The following SLC26A9 variants were observed in gnomAD, a reference collection of about 807,000 sequenced individuals.
SLC26A9 encodes the protein solute carrier family 26 member 9.
Under a neutral mutation model 87.1 loss-of-function variants are expected in SLC26A9, and 46 were observed. That is an observed-to-expected ratio of 0.53 (90% CI 0.42 to 0.67). The LOEUF (loss-of-function observed/expected upper bound fraction) is 0.67, where lower values mean the gene tolerates loss of function less well. Ranked by LOEUF, SLC26A9 falls within the 30% of genes least tolerant of loss-of-function variation. The probability of loss-of-function intolerance (pLI) is 0.00; values close to 1 mark genes in which losing one functional copy is unlikely to be tolerated. For synonymous variants in SLC26A9, 437 were observed against 409.1 expected (o/e 1.07, Z -0.82); for missense variants, 927 against 1,018.3 (o/e 0.91, Z 1.22).
Position 205,937,697 on chromosome 1 carries a change from G to A in SLC26A9, c.-18-1859C>T, listed in dbSNP as rs901937714. The stretch of plus-strand genomic sequence containing the variant: ...GCCGGCCCTTCACCGCCCGTGAGGC[G>A]GGGTGGTCTCACTCTTCCTCTCCAC... On this transcript the variant is annotated intron_variant, in intron 1 of 20. Transcript: ENST00000367135. 2.0e-5 allele frequency among the ~76,000 whole-genome samples: 3 copies of A among 152,112 alleles called. No individual in the cohort carries two copies. In the East Asian group the frequency reaches 5.8e-4, roughly 29 times the overall value.
chr1:205,919,300 G>A (rs1312698089), intron 18 of SLC26A9, among the ~76,000 whole-genome samples: 1 of 152,152 alleles, frequency 6.6e-6, no homozygotes, highest in East Asian at 1.9e-4. Flanking sequence ...ATCCCCCAAG[G>A]ACCCATCCTT....
At position 205,927,481 on chromosome 1, in the gene SLC26A9, A is replaced by G. The variant is rs749046343; in HGVS notation, c.1215+11T>C. ...ACCACCTCCCCCCAACTCCCCTAGA[A>G]CAAGGCTCACCTGGGATTTTCCTCC... On this transcript the variant is annotated intron_variant, in intron 10 of 20. Coordinates refer to ENST00000367135, the MANE Select transcript of SLC26A9 (RefSeq NM_052934.4). 6 of 1,612,994 alleles carry G rather than the reference A, an allele frequency of 3.7e-6. No homozygotes were observed. Among genetic ancestry groups the G allele is most frequent in the Admixed American group, 3.3e-5 (2 of 59,886 alleles).
intron 5 of SLC26A9, among the ~76,000 whole-genome samples, chr1:205,931,384 G>A (rs1405892791): frequency 6.6e-6 from 1 of 151,836 alleles, no homozygotes; most frequent in African/African-American, 2.4e-5. Context: ...CGTGCTACAT[G>A]CAGATGAGGA....
rs1488853978 is a variant in SLC26A9 at position 205,914,003 on chromosome 1, C to G, written c.*1354G>C. ...AGGCCAGAAGATTTTCTGTGCATTT[C>G]CACTGAAATTTTACAAAACACTTAC... On this transcript the variant is annotated 3_prime_UTR_variant, in exon 21 of 21. Coordinates refer to ENST00000367135, the MANE Select transcript of SLC26A9 (RefSeq NM_052934.4). The G allele has an allele frequency of 2.6e-5, 4 of 152,186 alleles. No homozygotes were observed. The highest frequency in any genetic ancestry group is 5.9e-5 in the Non-Finnish European group (4 of 68,028). The allele number at this position is 152,186 out of a possible 1,614,324, so 9.4% of individuals were successfully genotyped here.
At position 205,913,696 on chromosome 1, in the gene SLC26A9, T is replaced by C. The variant is rs745308811; in HGVS notation, c.*1661A>G. ...TGGGCACGGTGAATCCCAGATAACATTGTCCTTCGCCTTCCAAGTTTTGAG... is the reference window on the plus strand; with the variant it reads ...TGGGCACGGTGAATCCCAGATAACACTGTCCTTCGCCTTCCAAGTTTTGAG... On this transcript the variant is annotated 3_prime_UTR_variant, in exon 21 of 21. Coordinates refer to ENST00000367135, the MANE Select transcript of SLC26A9 (RefSeq NM_052934.4). 1.3e-5 allele frequency: 2 copies of C among 152,626 alleles called. No homozygotes were observed. The highest frequency in any genetic ancestry group is 4.1e-4 in the South Asian group (2 of 4,822). 9.5% of individuals were successfully genotyped at this position (152,626 alleles called of 1,614,324 possible). A position where few individuals can be genotyped will look rare whatever the true frequency, so the allele number is the denominator to read the frequency against.
intron 12 of SLC26A9, among the ~76,000 whole-genome samples, chr1:205,925,430 T>C (rs1345386622): frequency 6.6e-6 from 1 of 152,170 alleles, no homozygotes; most frequent in East Asian, 1.9e-4. Flanking sequence ...AGAGAATTGC[T>C]GTGAAGATCA....
At chr1:205,937,002 A>T (rs1196946541) in intron 1 of SLC26A9, among the ~76,000 whole-genome samples, 1 of 152,214 alleles carries the variant, frequency 6.6e-6, no homozygotes, top group East Asian at 1.9e-4. Flanking sequence ...TGTATCACTA[A>T]AGTGGGAGTA....
chr1:205,935,953 C>A, intron 1 of SLC26A9, 115 bp from the exon 2 acceptor site: 1 of 1,270,268 alleles, frequency 7.9e-7, no homozygotes. Flanking sequence ...TTCCCCGCCC[C>A]GATAAAGCAA....
At chr1:205,927,461 CT>C (rs1359878838) in intron 10 of SLC26A9, 30 bp downstream of exon 10, 1 of 1,603,102 alleles carries the variant, frequency 6.2e-7, no homozygotes, top group Non-Finnish European at 8.5e-7. Flanking sequence ...CTCTTACCAC[CT>C]CCCCCCAACT....
chr1:205,921,247 T>G (rs574153063), intron 17 of SLC26A9, among the ~76,000 whole-genome samples: 1 of 152,256 alleles, frequency 6.6e-6, no homozygotes, highest in East Asian at 1.9e-4. Context: ...AACCGGACCC[T>G]CCTCAGAGAA....
rs1279830072 is a variant in SLC26A9, at chr1:205,918,951, G to C, written c.2145C>G (p.Val715=). The change falls in exon 19 of 21, where the codon GTC becomes GTG. Residue 715 remains valine, a synonymous_variant. Coordinates refer to ENST00000367135, the MANE Select transcript of SLC26A9 (RefSeq NM_052934.4). ...QVYNDISHGG[V]FEDGSLECKH... is the part of the protein sequence containing the mutation. ...TGCATTCTAGACTCCCATCCTCAAA[G>C]ACGCCTCCATGGCTAATGTCATTGT... 3 of 1,614,080 alleles carry C rather than the reference G, an allele frequency of 1.9e-6. No homozygotes were observed. The highest frequency in any genetic ancestry group is 1.3e-5 in the African/African-American group (1 of 74,930).
chr1:205,942,274 G>A (rs1659779651), intron 1 of SLC26A9, among the ~76,000 whole-genome samples: 1 of 152,230 alleles, frequency 6.6e-6, no homozygotes, highest in Admixed American at 6.5e-5. Context: ...CAGTGGAGGT[G>A]CTCTTGGCCA....
chr1:205,935,821 ATCTGGGGCAT>A lies in SLC26A9; in HGVS notation c.-11_-2del. ...CGTAGCGGGGCCTGGGCTGGCTCAT[ATCTGGGGCAT>A]TTACAAGCTTTGGGAGAAGCAGAGG... On this transcript the variant is annotated 5_prime_UTR_variant, in exon 2 of 21. It removes an upstream start codon present in the reference 5' UTR. Coordinates refer to ENST00000367135, the MANE Select transcript of SLC26A9 (RefSeq NM_052934.4). 1.2e-6 allele frequency: 2 copies of A among 1,612,604 alleles called. No individual in the cohort carries two copies. Among genetic ancestry groups the A allele is most frequent in the Non-Finnish European group, 8.5e-7 (1 of 1,179,072 alleles).
At chr1:205,931,464 G>GTTTTTTTTTTT (rs1558126780) in intron 5 of SLC26A9, among the ~76,000 whole-genome samples, 2 of 36,720 alleles carry the variant, frequency 5.4e-5, no homozygotes, top group Admixed American at 3.7e-4. Flanking sequence ...GCCCTAACTT[G>GTTTTTTTTTTT]GTTTTTTTTT....
intron 12 of SLC26A9, among the ~76,000 whole-genome samples, chr1:205,925,457 G>A (rs192812481): frequency 2.2e-4 from 33 of 152,294 alleles, no homozygotes; most frequent in Admixed American, 1.5e-3. Context: ...AACAAAAGCC[G>A]CCATATGAAC....
intron 11 of SLC26A9, 94 bp downstream of exon 11, chr1:205,927,117 T>C: frequency 7.8e-7 from 1 of 1,280,220 alleles, no homozygotes; most frequent in Admixed American, 1.7e-5. Context: ...GTGACAACAG[T>C]GGCACTTTGT....
chr1:205,920,282 G>T (rs1558119694), intron 17 of SLC26A9, 52 bp from the exon 18 acceptor site: 2 of 1,605,824 alleles, frequency 1.2e-6, no homozygotes, highest in South Asian at 2.2e-5. Flanking sequence ...GTTCTGAGTG[G>T]GTCTCAAAAG....
intron 1 of SLC26A9, among the ~76,000 whole-genome samples, chr1:205,941,134 G>C (rs1455124487): frequency 6.6e-6 from 1 of 152,088 alleles, no homozygotes; most frequent in East Asian, 1.9e-4. Flanking sequence ...AGAGGCCTCT[G>C]CACCCCTAAG....
At chr1:205,920,044 G>A in intron 18 of SLC26A9, 132 bp downstream of exon 18, 1 of 949,498 alleles carries the variant, frequency 1.1e-6, no homozygotes, top group South Asian at 1.5e-5. Flanking sequence ...GCTTTTATGA[G>A]CAGGCAGCAG....
Sources: gnomAD v4.1 joint callset for allele counts (sites outside exome capture counted in the v4.1 genomes callset) on GRCh38, gnomAD v4.1.1 for gene constraint, MANE v1.5 for transcripts, NCBI Gene and HGNC (gene_info 2026-07-23, HGNC 2026-07-21) for gene names.